The following LRRTM4 variants were observed in gnomAD, a reference collection of about 807,000 sequenced individuals.
LRRTM4 encodes leucine-rich repeat transmembrane neuronal protein 4.
A neutral mutation model predicts 47.6 loss-of-function variants in LRRTM4; 25 were observed. The ratio of observed to expected loss-of-function variants is 0.53; its 90% confidence interval spans 0.38 to 0.73. LRRTM4 has a LOEUF of 0.73. Among genes scored for constraint, LRRTM4 ranks in the 30% least tolerant of loss-of-function variants. The pLI is 0.00. For missense variants in LRRTM4, 638 were observed against 713.4 expected (o/e 0.89, Z 1.20); for synonymous variants, 311 against 269.5 (o/e 1.15, Z -1.51).
chr2:77,004,752 C>T (rs1362374722), intron 3 of LRRTM4, among the ~76,000 whole-genome samples: 1 of 152,142 alleles, frequency 6.6e-6, no homozygotes, highest in Non-Finnish European at 1.5e-5. Context: ...CACATGAAAG[C>T]AGCCAGGAGG....
chr2:77,021,136 TTATC>T (rs748957574), intron 3 of LRRTM4, among the ~76,000 whole-genome samples: 12 of 136,846 alleles, frequency 8.8e-5, no homozygotes, highest in Non-Finnish European at 1.1e-4. Flanking sequence ...CTATCTAGCC[TTATC>T]TATCTATTGC....
intron 3 of LRRTM4, among the ~76,000 whole-genome samples, chr2:77,094,492 C>T (rs74693808): frequency 0.22 from 32,778 of 151,850 alleles, 4,779 homozygotes; most frequent in East Asian, 0.45. Flanking sequence ...GCAAAAATAA[C>T]AAGCAGAGAG....
At chr2:77,017,123 TCAGA>T (rs1307536632) in intron 3 of LRRTM4, among the ~76,000 whole-genome samples, 1 of 152,162 alleles carries the variant, frequency 6.6e-6, no homozygotes, top group African/African-American at 2.4e-5. Flanking sequence ...TTAAGTATCA[TCAGA>T]AAGAATTCTC....
intron 3 of LRRTM4, among the ~76,000 whole-genome samples, chr2:77,417,824 C>G (rs370317434): frequency 1.1e-4 from 16 of 151,994 alleles, no homozygotes; most frequent in African/African-American, 1.7e-4. Flanking sequence ...TGACGAGTTA[C>G]TGGGTGCGGC....
chr2:76,784,063 A>T (rs1443366777), intron 3 of LRRTM4, among the ~76,000 whole-genome samples: 2 of 152,124 alleles, frequency 1.3e-5, no homozygotes, highest in Non-Finnish European at 2.9e-5. Flanking sequence ...TTGGAAAATT[A>T]TTTTTAAATG....
chr2:77,055,244 T>C (rs867344761), intron 3 of LRRTM4, among the ~76,000 whole-genome samples: 1 of 152,192 alleles, frequency 6.6e-6, no homozygotes, highest in Middle Eastern at 3.2e-3. Context: ...AATAAAAAGA[T>C]ACCACAGAAA....
intron 3 of LRRTM4, among the ~76,000 whole-genome samples, chr2:77,283,052 T>A (rs1484964780): frequency 6.6e-6 from 1 of 151,986 alleles, no homozygotes; most frequent in Non-Finnish European, 1.5e-5. Context: ...ACCTACAGAA[T>A]GGTAGAAAAT....
intron 3 of LRRTM4, among the ~76,000 whole-genome samples, chr2:77,074,610 A>T (rs1680272105): frequency 6.6e-6 from 1 of 152,118 alleles, no homozygotes; most frequent in Non-Finnish European, 1.5e-5. Context: ...ATCTGGCTGG[A>T]TATATTTTTT....
At chr2:77,178,372 G>C (rs1673255937) in intron 3 of LRRTM4, among the ~76,000 whole-genome samples, 1 of 152,122 alleles carries the variant, frequency 6.6e-6, no homozygotes, top group South Asian at 2.1e-4. Flanking sequence ...CAGGTCACGA[G>C]GTCAGGAGTT....
At position 77,024,495 on chromosome 2, in the gene LRRTM4, T is replaced by TAA. The variant is rs35116332; in HGVS notation, c.1552-275581_1552-275580dup. Among the ~76,000 whole-genome samples the TAA allele has an allele frequency of 1.9e-3, 245 of 130,166 alleles. 9 individuals are homozygous for TAA. The South Asian group carries it at 0.04, about 21-fold the overall frequency. The allele number at this position is 130,166 out of a possible 152,430, so 85.4% of individuals were successfully genotyped here. On this transcript the variant is annotated intron_variant, in intron 3 of 3. Coordinates refer to ENST00000409884, the MANE Select transcript of LRRTM4 (RefSeq NM_001134745.3). ...TCATTGGTTGCAAAGGGTCTAGAAT[T>TAA]AAAAAAAAAAAAAAGGAAAATTCAA...
At chr2:77,156,721 T>C (rs1323607196) in intron 3 of LRRTM4, among the ~76,000 whole-genome samples, 3 of 151,534 alleles carry the variant, frequency 2.0e-5, no homozygotes, top group Non-Finnish European at 4.4e-5. Flanking sequence ...TTTTTTTTTT[T>C]TTTTGAGACA....
chr2:77,206,928 A>G (rs1189796265), intron 3 of LRRTM4, among the ~76,000 whole-genome samples: 1 of 152,010 alleles, frequency 6.6e-6, no homozygotes, highest in African/African-American at 2.4e-5. Context: ...ACTAGAACCC[A>G]AAATTACCAA....
chr2:77,229,643 C>T (rs1674909978), intron 3 of LRRTM4, among the ~76,000 whole-genome samples: 1 of 152,070 alleles, frequency 6.6e-6, no homozygotes, highest in Non-Finnish European at 1.5e-5. Context: ...GATTCAGAAT[C>T]CCACCGCTGC....
At chr2:77,090,534 T>G (rs1375347246) in intron 3 of LRRTM4, among the ~76,000 whole-genome samples, 1 of 152,024 alleles carries the variant, frequency 6.6e-6, no homozygotes, top group African/African-American at 2.4e-5. Context: ...AAGTTACAAT[T>G]CCTTCCCTCC....
chr2:77,011,790 C>A (rs937896371), intron 3 of LRRTM4, among the ~76,000 whole-genome samples: 5 of 151,984 alleles, frequency 3.3e-5, no homozygotes, highest in Non-Finnish European at 5.9e-5. Context: ...AATATTTTAT[C>A]TGAGTCGTTT....
At chr2:76,994,387 A>C (rs1367785173) in intron 3 of LRRTM4, among the ~76,000 whole-genome samples, 1 of 151,922 alleles carries the variant, frequency 6.6e-6, no homozygotes, top group Non-Finnish European at 1.5e-5. Flanking sequence ...CATATAACCA[A>C]TTTCATGTGC....
At position 76,888,401 on chromosome 2, in the gene LRRTM4, T is replaced by C. The variant is rs923768417; in HGVS notation, c.1552-139485A>G. On this transcript the variant is annotated intron_variant, in intron 3 of 3. Transcript: ENST00000409884. ...TTGTATTCTTTCTCGAACACATACA[T>C]AGACATCTGAAAAGTCATATTCAAA... Among the ~76,000 whole-genome samples the C allele has an allele frequency of 4.0e-5, 6 of 151,528 alleles. No individual in the cohort carries two copies. The East Asian group carries it at 9.7e-4, about 24-fold the overall frequency.
chr2:76,940,810 C>T (rs1408132259), intron 3 of LRRTM4, among the ~76,000 whole-genome samples: 2 of 152,040 alleles, frequency 1.3e-5, no homozygotes, highest in African/African-American at 4.8e-5. Context: ...CTTCTTAAGC[C>T]CAGAATTTAA....
intron 3 of LRRTM4, among the ~76,000 whole-genome samples, chr2:77,315,765 T>C (rs1677600506): frequency 6.6e-6 from 1 of 152,162 alleles, no homozygotes; most frequent in Non-Finnish European, 1.5e-5. Context: ...GGGCTGTCTG[T>C]CTTTCTCAAG....
Sources: allele counts gnomAD v4.1 joint callset (sites outside exome capture counted in the v4.1 genomes callset), GRCh38; gene constraint gnomAD v4.1.1; transcripts MANE v1.5; gene names NCBI Gene and HGNC (gene_info 2026-07-23, HGNC 2026-07-21).